Variants in RIMBP2 observed in about 807,000 individuals in gnomAD.
The protein encoded by RIMBP2 is RIMS binding protein 2.
RIMBP2 carries 48 observed loss-of-function variants against 118.6 expected under a neutral mutation model. The ratio of observed to expected loss-of-function variants is 0.40; its 90% CI spans 0.32 to 0.51. The LOEUF is 0.51. RIMBP2 is among the 20% of genes least tolerant of loss of function. RIMBP2 has a pLI of 0.41. For synonymous variants in RIMBP2, 762 were observed against 742.9 expected (o/e 1.03, Z -0.42); for missense variants, 1,551 against 1,768.3 (o/e 0.88, Z 2.20).
intron 2 of RIMBP2, among the ~76,000 whole-genome samples, chr12:130,577,086 C>T (rs756007259): frequency 3.3e-5 from 5 of 152,278 alleles, no homozygotes; most frequent in East Asian, 1.9e-4. Context: ...CTCCACTAAG[C>T]GCTGTTACTC....
At chr12:130,497,731 G>A (rs911281484) in intron 4 of RIMBP2, among the ~76,000 whole-genome samples, 1 of 152,202 alleles carries the variant, frequency 6.6e-6, no homozygotes, top group Admixed American at 6.5e-5. Flanking sequence ...TTGAATCTGA[G>A]AAGCTGGAGA....
chr12:130,424,952 T>A lies in RIMBP2; in HGVS notation c.2413-94A>T. On this transcript the variant is annotated intron_variant, in intron 15 of 22. Transcript: ENST00000690449. The surrounding 1 kb of genome is among the most constrained non-coding windows in gnomAD (Gnocchi z 9.8). ...GGAGGAAAGAAAATACAGACAGAATTAGTCCTGGAGGCACCGAGGGGGGGG... is the reference window on the plus strand; with the variant it reads ...GGAGGAAAGAAAATACAGACAGAATAAGTCCTGGAGGCACCGAGGGGGGGG... The A allele has an allele frequency of 4.6e-6, 3 of 650,736 alleles. No homozygotes were observed. Among genetic ancestry groups the A allele is most frequent in the Non-Finnish European group, 6.3e-6 (3 of 473,892 alleles). The allele number at this position is 650,736 out of a possible 1,614,324, so 40.3% of individuals were successfully genotyped here.
intron 2 of RIMBP2, among the ~76,000 whole-genome samples, chr12:130,572,958 C>G (rs959444616): frequency 6.6e-6 from 1 of 151,978 alleles, no homozygotes; most frequent in Non-Finnish European, 1.5e-5. Flanking sequence ...TCCTTCCCCC[C>G]GGGGGGACAG....
intron 1 of RIMBP2, among the ~76,000 whole-genome samples, chr12:130,664,989 G>A (rs9795747): frequency 0.22 from 33,370 of 151,326 alleles, 4,249 homozygotes; most frequent in East Asian, 0.31. Context: ...GACCAGAGCC[G>A]CCCTCAGCAG....
At chr12:130,518,870 TTAA>T (rs1355175373) in intron 2 of RIMBP2, among the ~76,000 whole-genome samples, 2 of 152,052 alleles carry the variant, frequency 1.3e-5, no homozygotes, top group Non-Finnish European at 2.9e-5. Flanking sequence ...TCTCATAAAC[TTAA>T]TAATCAGGAT....
intron 16 of RIMBP2, among the ~76,000 whole-genome samples, chr12:130,423,643 T>C (rs191734186): frequency 7.3e-6 from 1 of 137,866 alleles, no homozygotes; most frequent in Non-Finnish European, 1.5e-5. Context: ...ACAAGAACTT[T>C]GGAAACAATA....
chr12:130,484,246 T>G (rs1376881785), intron 4 of RIMBP2, among the ~76,000 whole-genome samples: 1 of 152,164 alleles, frequency 6.6e-6, no homozygotes, highest in Non-Finnish European at 1.5e-5. Flanking sequence ...TGCCTCCTGA[T>G]GCCGCTGCCA....
chr12:130,506,476 T>A (rs2050366509), intron 4 of RIMBP2, among the ~76,000 whole-genome samples, 172 bp downstream of exon 4: 2 of 152,196 alleles, frequency 1.3e-5, no homozygotes, highest in Admixed American at 1.3e-4. Context: ...TTTTGTTATT[T>A]ATTGCTTTTT....
intron 14 of RIMBP2, among the ~76,000 whole-genome samples, chr12:130,433,605 G>A (rs544678521): frequency 3.9e-5 from 6 of 152,190 alleles, no homozygotes; most frequent in Admixed American, 6.5e-5. Context: ...TTCATTGGAA[G>A]CCAGTTCCTG....
chr12:130,489,980 C>T (rs2048472348), intron 4 of RIMBP2, among the ~76,000 whole-genome samples: 1 of 151,892 alleles, frequency 6.6e-6, no homozygotes, highest in Admixed American at 6.6e-5. Flanking sequence ...AAAAATTAGC[C>T]AGGCATGGTG....
At chr12:130,708,670 A>T (rs550748508) in intron 1 of RIMBP2, among the ~76,000 whole-genome samples, 1 of 152,258 alleles carries the variant, frequency 6.6e-6, no homozygotes, top group Admixed American at 6.5e-5. Context: ...TGGGCGACAC[A>T]GTGAGACCCT....
chr12:130,613,983 C>T (rs1054139021), intron 2 of RIMBP2, among the ~76,000 whole-genome samples: 18 of 152,228 alleles, frequency 1.2e-4, no homozygotes, highest in African/African-American at 4.3e-4. Flanking sequence ...CTCATGCCAC[C>T]CTGCAATGGT....
At chr12:130,473,703 A>C (rs2081199166) in intron 5 of RIMBP2, among the ~76,000 whole-genome samples, 1 of 152,128 alleles carries the variant, frequency 6.6e-6, no homozygotes, top group South Asian at 2.1e-4. Context: ...CGCAGAGCTG[A>C]GGGCTGATGG....
chr12:130,699,574 G>A (rs1452334864), intron 1 of RIMBP2, among the ~76,000 whole-genome samples: 4 of 109,160 alleles, frequency 3.7e-5, no homozygotes, highest in Non-Finnish European at 6.9e-5. Flanking sequence ...ACCGGGGACT[G>A]TTGTGGGGTG....
At chr12:130,518,105 A>G (rs1053470771) in intron 2 of RIMBP2, among the ~76,000 whole-genome samples, 188 bp from the exon 3 acceptor site, 1 of 152,214 alleles carries the variant, frequency 6.6e-6, no homozygotes, top group Non-Finnish European at 1.5e-5. Context: ...CCAAATCTAC[A>G]AAAGGCAATC....
chr12:130,665,067 A>T (rs551172199), intron 1 of RIMBP2, among the ~76,000 whole-genome samples: 6 of 151,114 alleles, frequency 4.0e-5, no homozygotes, highest in Admixed American at 2.0e-4. Flanking sequence ...CCCTACCACA[A>T]CTCCTGGCTT....
chr12:130,483,139 C>T (rs1189850668), intron 4 of RIMBP2, among the ~76,000 whole-genome samples: 74 of 72,810 alleles, frequency 1.0e-3, no homozygotes, highest in African/African-American at 3.8e-3. Flanking sequence ...GTGTCAGATT[C>T]TGCAGGGGAG....
At chr12:130,474,902 G>A (rs963612820) in intron 5 of RIMBP2, among the ~76,000 whole-genome samples, 6 of 152,206 alleles carry the variant, frequency 3.9e-5, no homozygotes, top group East Asian at 1.9e-4. Context: ...TCCTTGCTGT[G>A]TTGCTGGGAC....
In RIMBP2 at chr12:130,424,597, C is replaced by T; in HGVS notation, c.2674G>A (p.Gly892Arg). 3.2e-6 allele frequency: 4 copies of T among 1,231,878 alleles called. No individual in the cohort carries two copies. Among genetic ancestry groups the T allele is most frequent in the Non-Finnish European group, 4.0e-6 (4 of 987,816 alleles). 76.3% of individuals were successfully genotyped at this position (1,231,878 alleles called of 1,614,324 possible). ...AAGTCCTCCACGTGGGGGACGGCCC[C>T]CGAGCCCCTGTGCTTCACCGGGAAC... ...SWFPVKHRGS[G>R]AVPHVEDFLL... The change falls in exon 16 of 23, where the codon GGG becomes AGG. Residue 892 changes from glycine to arginine, a missense_variant. This residue lies in a region of RIMBP2 where 1,038 missense variants were observed against 1,125.1 expected (regional missense o/e 0.92). Transcript: ENST00000690449. The surrounding 1 kb of genome is among the most constrained non-coding windows in gnomAD (Gnocchi z 9.8).
Sources: gnomAD v4.1 joint callset for allele counts (sites outside exome capture counted in the v4.1 genomes callset) on GRCh38, gnomAD v4.1.1 for gene constraint, gnomAD v4.1.1 regional missense constraint, Gnocchi (gnomAD v3.1) non-coding constraint, MANE v1.5 for transcripts, NCBI Gene and HGNC (gene_info 2026-07-23, HGNC 2026-07-21) for gene names.